Variants in PCDH11X observed in about 807,000 individuals in gnomAD.
PCDH11X encodes the protein protocadherin 11 X-linked.
Under a neutral mutation model 53.3 loss-of-function variants are expected in PCDH11X, and 18 were observed. The observed-to-expected ratio is 0.34, with a 90% CI of 0.23 to 0.50. PCDH11X has a LOEUF of 0.50. Among genes scored for constraint, PCDH11X ranks in the 20% least tolerant of loss-of-function variants. The probability of loss-of-function intolerance (pLI) is 0.98; values close to 1 mark genes in which losing one functional copy is unlikely to be tolerated. For missense variants in PCDH11X, 570 were observed against 1,032.4 expected (o/e 0.55, Z 6.14); for synonymous variants, 279 against 393.3 (o/e 0.71, Z 3.44).
In PCDH11X at chrX:92,242,817, A is replaced by G. The variant is rs773737412; in HGVS notation, c.3115-20297A>G. Among the ~76,000 whole-genome samples the G allele has an allele frequency of 5.4e-5, 6 of 110,948 alleles. No homozygotes were observed. In the South Asian group the frequency reaches 2.3e-3, roughly 43 times the overall value. ...AATTTAGCATTCTGATAGATGTATA[A>G]TGATATCTCATTGTGGATTAAATTT... On this transcript the variant is annotated intron_variant, in intron 7 of 10. Coordinates refer to ENST00000682573, the MANE Select transcript of PCDH11X (RefSeq NM_032968.5).
At chrX:92,020,413 C>G (rs903749340) in intron 6 of PCDH11X, among the ~76,000 whole-genome samples, 2 of 112,060 alleles carry the variant, frequency 1.8e-5, no homozygotes, top group African/African-American at 6.5e-5. Context: ...GCCCAACACA[C>G]CAGTTGTGGC....
intron 10 of PCDH11X, among the ~76,000 whole-genome samples, chrX:92,479,958 T>G (rs1049636068): frequency 9.0e-6 from 1 of 111,508 alleles, no homozygotes; most frequent in African/African-American, 3.3e-5. Flanking sequence ...GTTGCTTCCA[T>G]TCTCCTCGTC....
chrX:92,337,925 T>C (rs1191166313), intron 8 of PCDH11X, among the ~76,000 whole-genome samples: 1 of 111,774 alleles, frequency 8.9e-6, no homozygotes, highest in Non-Finnish European at 1.9e-5. Flanking sequence ...ATTAGACATA[T>C]TCTTAAACTC....
intron 5 of PCDH11X, among the ~76,000 whole-genome samples, chrX:91,876,115 C>T (rs751741954): frequency 1.8e-4 from 20 of 111,522 alleles, no homozygotes; most frequent in African/African-American, 4.9e-4. Context: ...TTAAATAGTT[C>T]GAAAACCAAA....
chrX:92,397,170 TA>T (rs773564971), intron 9 of PCDH11X, among the ~76,000 whole-genome samples: 5 of 66,138 alleles, frequency 7.6e-5, no homozygotes, highest in Admixed American at 2.0e-4. Flanking sequence ...TTGAAGCATG[TA>T]AAAAAAACAG....
In PCDH11X at chrX:92,334,661, T is replaced by C. The variant is rs760961509; in HGVS notation, c.3145-53074T>C. ...CAGGAAAAAGTTGAATTGCTTGCCATGTGCCATAGATTAAGGTTGGCAGCT... is the reference window on the plus strand; with the variant it reads ...CAGGAAAAAGTTGAATTGCTTGCCACGTGCCATAGATTAAGGTTGGCAGCT... On this transcript the variant is annotated intron_variant, in intron 8 of 10. Transcript: ENST00000682573. Among the ~76,000 whole-genome samples the C allele has an allele frequency of 1.8e-3, 203 of 111,507 alleles. 4 individuals are homozygous for C. The highest frequency in any genetic ancestry group is 1.6e-3 in the Non-Finnish European group (87 of 53,034).
At chrX:91,896,126 T>A (rs1336294943) in intron 6 of PCDH11X, among the ~76,000 whole-genome samples, 1 of 108,201 alleles carries the variant, frequency 9.2e-6, no homozygotes, top group Non-Finnish European at 1.9e-5. Flanking sequence ...CTTAATTAAG[T>A]AATAAATATA....
intron 7 of PCDH11X, among the ~76,000 whole-genome samples, chrX:92,227,951 A>G (rs1437943617): frequency 1.8e-4 from 2 of 11,013 alleles, no homozygotes; most frequent in Non-Finnish European, 2.1e-3. Context: ...AGTGATAATA[A>G]GACAATTTTA....
At chrX:92,119,117 G>GT (rs1430966785) in intron 6 of PCDH11X, among the ~76,000 whole-genome samples, 5 of 107,249 alleles carry the variant, frequency 4.7e-5, no homozygotes, top group African/African-American at 6.8e-5. Context: ...AATTTATTTG[G>GT]TTTTTTTTGA....
At chrX:91,996,308 C>T (rs1264577890) in intron 6 of PCDH11X, among the ~76,000 whole-genome samples, 1 of 101,832 alleles carries the variant, frequency 9.8e-6, no homozygotes, top group East Asian at 3.2e-4. Context: ...ACCACCACGC[C>T]CAGCTAATTT....
intron 6 of PCDH11X, among the ~76,000 whole-genome samples, chrX:91,912,069 C>A (rs1458978037): frequency 9.0e-6 from 1 of 111,093 alleles, no homozygotes; most frequent in Non-Finnish European, 1.9e-5. Context: ...TTTTTTATTT[C>A]TTTTTCTCAT....
chrX:92,219,151 C>A (rs1302195073), intron 7 of PCDH11X, among the ~76,000 whole-genome samples: 2 of 110,893 alleles, frequency 1.8e-5, no homozygotes, highest in African/African-American at 6.5e-5. Flanking sequence ...CAGGGATGCC[C>A]TCTCTCACCA....
At chrX:92,190,786 C>T (rs1217620052) in intron 6 of PCDH11X, among the ~76,000 whole-genome samples, 2 of 111,542 alleles carry the variant, frequency 1.8e-5, no homozygotes, top group African/African-American at 6.5e-5. Flanking sequence ...AGATCATTCA[C>T]CTTTTCATTT....
intron 6 of PCDH11X, among the ~76,000 whole-genome samples, chrX:92,031,825 C>G (rs1363991596): frequency 9.0e-6 from 1 of 111,520 alleles, no homozygotes; most frequent in Non-Finnish European, 1.9e-5. Flanking sequence ...GTTCTCTATT[C>G]TGTTCCACTG....
intron 10 of PCDH11X, among the ~76,000 whole-genome samples, chrX:92,476,924 C>CA (rs766830064): frequency 0.027 from 496 of 18,463 alleles, 104 homozygotes; most frequent in Middle Eastern, 0.13. Context: ...TACTTTCTTC[C>CA]AAAAAAAAAA....
At chrX:92,215,217 G>A (rs1192606118) in intron 7 of PCDH11X, among the ~76,000 whole-genome samples, 1 of 110,361 alleles carries the variant, frequency 9.1e-6, no homozygotes, top group Non-Finnish European at 1.9e-5. Flanking sequence ...AGTGGTTGCA[G>A]CGCACCGTGC....
intron 8 of PCDH11X, among the ~76,000 whole-genome samples, chrX:92,320,068 G>A (rs1309339889): frequency 3.6e-5 from 4 of 110,841 alleles, no homozygotes; most frequent in Non-Finnish European, 5.7e-5. Flanking sequence ...ATGGGTTTGG[G>A]GTTGATTACC....
chrX:92,341,153 T>C (rs1272655000), intron 8 of PCDH11X, among the ~76,000 whole-genome samples: 1 of 111,875 alleles, frequency 8.9e-6, no homozygotes, highest in Non-Finnish European at 1.9e-5. Flanking sequence ...ATTGACTTCA[T>C]TTCCCAATAA....
chrX:92,506,394 A>G (rs1225005985), intron 10 of PCDH11X, among the ~76,000 whole-genome samples: 2 of 100,362 alleles, frequency 2.0e-5, no homozygotes, highest in South Asian at 4.6e-4. Context: ...GGCTCTTATT[A>G]TTTTTATGTA....
Sources: allele counts gnomAD v4.1 joint callset (sites outside exome capture counted in the v4.1 genomes callset), GRCh38; gene constraint gnomAD v4.1.1; transcripts MANE v1.5; gene names NCBI Gene and HGNC (gene_info 2026-07-23, HGNC 2026-07-21).